The following PTPRT variants were observed in gnomAD, a reference collection of about 807,000 sequenced individuals.
The protein encoded by PTPRT is receptor-type tyrosine-protein phosphatase T.
In PTPRT, 56 loss-of-function variants were observed where a neutral mutation model predicts 176.8. The ratio of observed to expected loss-of-function variants is 0.32; its 90% CI spans 0.26 to 0.40. The LOEUF is 0.40. PTPRT is among the 10% of genes least tolerant of loss of function. The probability of loss-of-function intolerance (pLI) is 1.00; values close to 1 mark genes in which losing one functional copy is unlikely to be tolerated. For synonymous variants in PTPRT, 783 were observed against 739.0 expected, an observed-to-expected ratio of 1.06 and a Z score of -0.96; for missense variants, 1,540 against 1,908.2, an observed-to-expected ratio of 0.81 and a Z score of 3.60.
chr20:42,672,126 G>T (rs1438707390), intron 7 of PTPRT, among the ~76,000 whole-genome samples: 1 of 152,210 alleles, frequency 6.6e-6, no homozygotes, highest in Non-Finnish European at 1.5e-5. Context: ...GCAAAGCATT[G>T]TTCCTGGGTA....
chr20:43,016,552 CTTTTTTTTTTTTTT>C (rs11482189), intron 1 of PTPRT, among the ~76,000 whole-genome samples: 1 of 76,220 alleles, frequency 1.3e-5, no homozygotes, highest in Non-Finnish European at 2.4e-5. Flanking sequence ...TCTAAGGCCA[CTTTTTTTTTTTTTT>C]TTTTTTTTTT....
At chr20:42,187,105 A>G (rs1990811433) in intron 16 of PTPRT, among the ~76,000 whole-genome samples, 1 of 152,184 alleles carries the variant, frequency 6.6e-6, no homozygotes, top group Non-Finnish European at 1.5e-5. Flanking sequence ...GGATCACGAC[A>G]GCTCCCCCAC....
At chr20:42,487,971 T>C (rs2071492374) in intron 7 of PTPRT, among the ~76,000 whole-genome samples, 1 of 152,242 alleles carries the variant, frequency 6.6e-6, no homozygotes. Flanking sequence ...AATTGTTTAC[T>C]ATGCATGTAT....
At chr20:43,102,755 G>T (rs1418090389) in intron 1 of PTPRT, among the ~76,000 whole-genome samples, 2 of 152,140 alleles carry the variant, frequency 1.3e-5, no homozygotes, top group Non-Finnish European at 2.9e-5. Context: ...CCTATGGCAG[G>T]AGCCCCTGGT....
intron 2 of PTPRT, among the ~76,000 whole-genome samples, chr20:42,883,688 C>CACAT (rs1420523949): frequency 2.7e-5 from 4 of 149,112 alleles, no homozygotes; most frequent in African/African-American, 7.4e-5. Context: ...CGGACACACA[C>CACAT]ACACACCTCC....
intron 9 of PTPRT, among the ~76,000 whole-genome samples, chr20:42,419,521 T>C (rs770789309): frequency 1.3e-5 from 2 of 152,106 alleles, no homozygotes; most frequent in Non-Finnish European, 2.9e-5. Flanking sequence ...CTCCAGGCAA[T>C]AGTACTTTCT....
At chr20:42,146,887 C>T (rs1988891788) in intron 17 of PTPRT, among the ~76,000 whole-genome samples, 1 of 152,142 alleles carries the variant, frequency 6.6e-6, no homozygotes, top group Admixed American at 6.6e-5. Flanking sequence ...ATTTATAAGA[C>T]TTTTCGCATG....
intron 11 of PTPRT, among the ~76,000 whole-genome samples, chr20:42,333,150 G>T (rs1243106633): frequency 6.6e-6 from 1 of 151,890 alleles, no homozygotes; most frequent in Non-Finnish European, 1.5e-5. Context: ...ATGTGATACT[G>T]GATTTTCTTT....
At chr20:42,272,141 G>GA (rs1283080344) in intron 13 of PTPRT, among the ~76,000 whole-genome samples, 1 of 151,876 alleles carries the variant, frequency 6.6e-6, no homozygotes, top group Non-Finnish European at 1.5e-5. Flanking sequence ...TAATGGTGGG[G>GA]AAAAAAATGA....
intron 6 of PTPRT, chr20:42,686,270 C>T (rs942829739): frequency 1.3e-5 from 2 of 152,018 alleles, no homozygotes; most frequent in African/African-American, 2.4e-5. Flanking sequence ...CCCACCTACC[C>T]GCAAGCCCAG....
intron 1 of PTPRT, among the ~76,000 whole-genome samples, chr20:42,977,171 G>C (rs1368611165): frequency 6.6e-6 from 1 of 152,198 alleles, no homozygotes; most frequent in Non-Finnish European, 1.5e-5. Context: ...GATGAAAGGA[G>C]AGAATGGAGG....
chr20:42,314,287 G>A (rs2057680877), intron 12 of PTPRT, among the ~76,000 whole-genome samples: 1 of 152,142 alleles, frequency 6.6e-6, no homozygotes, highest in African/African-American at 2.4e-5. Flanking sequence ...CCAGCACTTT[G>A]GGAGGCTGAG....
intron 1 of PTPRT, among the ~76,000 whole-genome samples, chr20:43,119,627 G>A (rs751839489): frequency 2.6e-5 from 4 of 152,140 alleles, no homozygotes; most frequent in Non-Finnish European, 5.9e-5. Flanking sequence ...ATCCCATCTT[G>A]GGTTGCAAGC....
intron 1 of PTPRT, among the ~76,000 whole-genome samples, chr20:43,160,954 A>C (rs905218986): frequency 6.6e-5 from 10 of 151,022 alleles, no homozygotes; most frequent in Non-Finnish European, 1.5e-4. Context: ...AGGTCTGGCT[A>C]TCTTGCCCAG....
At chr20:42,920,014 G>A (rs1330463056) in intron 1 of PTPRT, among the ~76,000 whole-genome samples, 3 of 152,136 alleles carry the variant, frequency 2.0e-5, no homozygotes, top group African/African-American at 4.8e-5. Context: ...ACATCAAAGC[G>A]GGGTGGTGAG....
At chr20:42,698,489 A>G (rs2075919531) in intron 6 of PTPRT, among the ~76,000 whole-genome samples, 1 of 152,172 alleles carries the variant, frequency 6.6e-6, no homozygotes, top group African/African-American at 2.4e-5. Flanking sequence ...CTTTGTATTA[A>G]GCTATCCCAC....
At chr20:42,887,246 A>G (rs1210896642) in intron 1 of PTPRT, among the ~76,000 whole-genome samples, 1 of 152,170 alleles carries the variant, frequency 6.6e-6, no homozygotes, top group African/African-American at 2.4e-5. Context: ...ACATGAAGGC[A>G]GACTCCACAT....
intron 13 of PTPRT, chr20:42,270,294 G>C: frequency 9.6e-7 from 1 of 1,044,322 alleles, no homozygotes; most frequent in Non-Finnish European, 1.4e-6. Context: ...GTGGGTGGGT[G>C]GGGTGGAAAG....
intron 7 of PTPRT, among the ~76,000 whole-genome samples, chr20:42,645,816 CAGAG>C (rs928776821): frequency 8.0e-5 from 10 of 124,840 alleles, no homozygotes; most frequent in Non-Finnish European, 1.5e-4. Flanking sequence ...GGAGGGGTGA[CAGAG>C]AGAGAGAGGC....
Sources: allele counts gnomAD v4.1 joint callset (sites outside exome capture counted in the v4.1 genomes callset), GRCh38; gene constraint gnomAD v4.1.1; transcripts MANE v1.5; gene names NCBI Gene and HGNC (gene_info 2026-07-23, HGNC 2026-07-21).